COL6A3: variants seen among roughly 807,000 people sequenced by gnomAD.
The protein encoded by COL6A3 is collagen alpha-3(VI) chain.
A neutral mutation model predicts 274.1 loss-of-function variants in COL6A3; 137 were observed. The observed-to-expected ratio is 0.50, with a 90% CI of 0.44 to 0.58. COL6A3 has a LOEUF of 0.58. COL6A3 is among the 20% of genes least tolerant of loss of function. COL6A3 has a pLI of 0.00. For synonymous variants in COL6A3, 1,650 were observed against 1,650.6 expected (o/e 1.00, Z 0.01); for missense variants, 3,950 against 4,124.9 (o/e 0.96, Z 1.16).
At chr2:237,343,338 A>G (rs2106323064) in intron 36 of COL6A3, 1 of 151,458 alleles carries the variant, frequency 6.6e-6, no homozygotes, top group East Asian at 1.9e-4. Flanking sequence ...TCTACTAAAA[A>G]AAAAAAAAAG....
chr2:237,367,808 A>G (rs1329836957), intron 10 of COL6A3, among the ~76,000 whole-genome samples: 1 of 152,210 alleles, frequency 6.6e-6, no homozygotes, highest in Non-Finnish European at 1.5e-5. Flanking sequence ...AGAGCTTTGT[A>G]GGAGCTGGCT....
chr2:237,395,274 T>C (rs1392800053), intron 2 of COL6A3, 70 bp from the exon 3 acceptor site: 1 of 1,553,938 alleles, frequency 6.4e-7, no homozygotes, highest in African/African-American at 1.4e-5. Flanking sequence ...TGCAAAGCCT[T>C]CCTAAACAAA....
chr2:237,380,958 AG>A lies in COL6A3; in HGVS notation c.1853del (p.Pro618LeufsTer45). On this transcript the variant is annotated frameshift_variant, in exon 5 of 44. Transcript: ENST00000295550. LOFTEE classifies it high-confidence loss of function. ...FRAAPLQGML[P>X]GLLAPLRTLS... Reference sequence around the variant, plus strand: ...GGGTCCTGAGAGGTGCCAGCAAGCCAGGCAGCATGCCTTGCAATGGGGCGGC... The same window carrying A: ...GGGTCCTGAGAGGTGCCAGCAAGCCAGCAGCATGCCTTGCAATGGGGCGGC... 6.2e-7 allele frequency: 1 copy of A among 1,614,170 alleles called. No homozygotes were observed. The highest frequency in any genetic ancestry group is 8.5e-7 in the Non-Finnish European group (1 of 1,180,032).
chr2:237,341,543 TAAAAAAAAAA>T (rs71039760), intron 37 of COL6A3, among the ~76,000 whole-genome samples: 9 of 49,098 alleles, frequency 1.8e-4, no homozygotes, highest in African/African-American at 7.2e-4. Flanking sequence ...AGACTCTGTC[TAAAAAAAAAA>T]AAAAAAAAAA....
intron 32 of COL6A3, among the ~76,000 whole-genome samples, chr2:237,345,838 C>G (rs2106326284): frequency 6.6e-6 from 1 of 152,316 alleles, no homozygotes; most frequent in Admixed American, 6.5e-5. Context: ...ATCAGACCCA[C>G]CTGACCAGCT....
Position 237,377,046 on chromosome 2 carries a change from A to G in COL6A3, c.2796T>C (p.Ala932=), listed in dbSNP as rs1158876557. 6.8e-6 allele frequency: 11 copies of G among 1,614,116 alleles called. No homozygotes were observed. The highest frequency in any genetic ancestry group is 9.3e-6 in the Non-Finnish European group (11 of 1,180,048). The change falls in exon 7 of 44, where the codon GCT becomes GCC. Residue 932 remains alanine, a synonymous_variant. Transcript: ENST00000295550. The stretch of plus-strand genomic sequence containing the variant: ...GCACTCCATCCTCGATCCGGCTGCC[A>G]GCAGACTTCACAAAAATGTACCTCT... ...YAQRYIFVKS[A]GSRIEDGVLQ...
intron 1 of COL6A3, among the ~76,000 whole-genome samples, chr2:237,411,894 A>T (rs74001309): frequency 0.031 from 4,640 of 152,128 alleles, 202 homozygotes; most frequent in African/African-American, 0.096. Context: ...AAGGGCTAAC[A>T]TTCTAGAGGC....
At chr2:237,342,304 G>C in intron 36 of COL6A3, 143 bp from the exon 37 acceptor site, 1 of 721,534 alleles carries the variant, frequency 1.4e-6, no homozygotes. Flanking sequence ...CTTCTCATTT[G>C]GGGGTGGGGT....
rs2077180066 is a variant in COL6A3, at chr2:237,350,353, C to T, written c.6817-144G>A. 2.5e-5 allele frequency: 19 copies of T among 768,990 alleles called. No individual in the cohort carries two copies. The South Asian group carries it at 2.9e-4, about 12-fold the overall frequency. 47.6% of individuals were successfully genotyped at this position (768,990 alleles called of 1,614,324 possible). ...TTCGGTGGAATGATTTTCTAAATTG[C>T]AACATTCATGTGCAAACTCCTGGAA... is the stretch of plus-strand genomic sequence containing the variant. On this transcript the variant is annotated intron_variant, in intron 27 of 43. Transcript: ENST00000295550.
At position 237,381,449 on chromosome 2, in the gene COL6A3, C is replaced by T. The variant is rs2078004148; in HGVS notation, c.1363G>A (p.Ala455Thr). The change falls in exon 5 of 44, where the codon GCA (alanine) becomes ACA (threonine). Residue 455 changes from alanine to threonine, a missense_variant. Physicochemically the swap from Ala to Thr is moderately conservative, Grantham distance 58. Transcript: ENST00000295550. ...GCATTGAAGTTGGCCAGTCCCAGTG[C>T]AGATGAGCCATCCACCAGGAAGACT... ...DIVFLVDGSS[A>T]LGLANFNAIR... 6.2e-7 allele frequency: 1 copy of T among 1,609,404 alleles called. No homozygotes were observed. The highest frequency in any genetic ancestry group is 1.1e-5 in the South Asian group (1 of 91,094).
chr2:237,406,907 CTTTTTTT>C (rs1006109385), intron 1 of COL6A3, among the ~76,000 whole-genome samples: 1 of 123,520 alleles, frequency 8.1e-6, no homozygotes, highest in African/African-American at 3.2e-5. Context: ...TCTTTTTTCC[CTTTTTTT>C]TTTTTTTTTT....
In COL6A3 at chr2:237,365,687, G is replaced by A. The variant is rs767420186; in HGVS notation, c.5838+11C>T. Reference sequence around the variant, plus strand: ...TCCCAGGGAGCACCTGAACCAACTGGCCCCACAGACCTTCACGCTGTCCGG... The same window carrying A: ...TCCCAGGGAGCACCTGAACCAACTGACCCCACAGACCTTCACGCTGTCCGG... On this transcript the variant is annotated intron_variant, in intron 12 of 43. Coordinates refer to ENST00000295550, the MANE Select transcript of COL6A3 (RefSeq NM_004369.4). The A allele has an allele frequency of 1.2e-6, 2 of 1,613,444 alleles. No homozygotes were observed. The highest frequency in any genetic ancestry group is 3.3e-5 in the Admixed American group (2 of 60,020).
At chr2:237,359,941 A>C (rs917612728) in intron 17 of COL6A3, 147 bp downstream of exon 17, 7 of 800,196 alleles carry the variant, frequency 8.7e-6, no homozygotes, top group Non-Finnish European at 1.3e-5. Context: ...CACCCTGCTC[A>C]GAACTGCCTT....
Position 237,374,979 on chromosome 2 carries a change from C to T in COL6A3, c.3112G>A (p.Glu1038Lys), listed in dbSNP as rs946039945. The T allele has an allele frequency of 2.5e-6, 4 of 1,614,004 alleles. No homozygotes were observed. The highest frequency in any genetic ancestry group is 3.4e-6 in the Non-Finnish European group (4 of 1,180,016). Residue 1038 changes from glutamate to lysine, a missense_variant, in exon 8 of 44, where the codon GAG (glutamate) becomes AAG (lysine). By Grantham distance (56) the Glu-to-Lys change is moderately conservative (BLOSUM62 1). This residue lies in a region of COL6A3 where 1,934 missense variants were observed against 1,984.3 expected (regional missense o/e 0.97). Coordinates refer to ENST00000295550, the MANE Select transcript of COL6A3 (RefSeq NM_004369.4). This position sits in a 1 kb window ranked among gnomAD's most constrained non-coding sequence, Gnocchi z 4.8. ...KDVVFLLDGS[E>K]GVRSGFPLLK... is the part of the protein sequence containing the mutation. ...AGAGGGAAGCCGCTCCTGACGCCCTCAGAGCCATCAAGCAGAAACACCACG... is the reference window on the plus strand; with the variant it reads ...AGAGGGAAGCCGCTCCTGACGCCCTTAGAGCCATCAAGCAGAAACACCACG...
In COL6A3 at chr2:237,334,756, A is replaced by C; in HGVS notation, c.9099T>G (p.Val3033=). Residue 3033 remains valine, a synonymous_variant, in exon 41 of 44, where the codon GTT becomes GTG. Transcript: ENST00000295550. Reference sequence around the variant, plus strand: ...CCGTGACCGTGAGGTTCTGCTTCAGAACCAGGGACTGATCATGGGCTGAGG... The same window carrying C: ...CCGTGACCGTGAGGTTCTGCTTCAGCACCAGGGACTGATCATGGGCTGAGG... ...TVTSAHDQSL[V]LKQNLTVTDR... is the part of the protein sequence containing the mutation. 6.2e-7 allele frequency: 1 copy of C among 1,614,144 alleles called. No individual in the cohort carries two copies. The highest frequency in any genetic ancestry group is 8.5e-7 in the Non-Finnish European group (1 of 1,180,020).
chr2:237,340,817 TC>T lies in COL6A3; in HGVS notation c.8098del (p.Asp2700ThrfsTer7), dbSNP rs751453783. The part of the protein sequence containing the change: ...TDYGSKEKLV[D>X]FLSRGMTQLQ... ...CTGTGTCATTCCCCTGCTGAGGAAG[TC>T]CACCAGCTTCTCCTTGGAGCCATAG... On this transcript the variant is annotated frameshift_variant, in exon 38 of 44. Transcript: ENST00000295550. LOFTEE classifies it high-confidence loss of function. The T allele has an allele frequency of 6.2e-7, 1 of 1,614,178 alleles. No homozygotes were observed. Among genetic ancestry groups the T allele is most frequent in the Non-Finnish European group, 8.5e-7 (1 of 1,180,024 alleles).
chr2:237,350,962 T>C (rs2077194011), intron 27 of COL6A3, among the ~76,000 whole-genome samples, 168 bp downstream of exon 27: 1 of 152,004 alleles, frequency 6.6e-6, no homozygotes, highest in African/African-American at 2.4e-5. Context: ...GTGGGGATTG[T>C]TGGGGGACAA....
intron 18 of COL6A3, 44 bp downstream of exon 18, chr2:237,359,318 C>T (rs745307347): frequency 1.9e-6 from 3 of 1,614,108 alleles, no homozygotes; most frequent in Non-Finnish European, 2.5e-6. Flanking sequence ...ATGAGAAATA[C>T]TGGGAGAGTT....
chr2:237,333,135 T>C (rs967481907), intron 42 of COL6A3: 1 of 427,350 alleles, frequency 2.3e-6, no homozygotes, highest in African/African-American at 2.0e-5. Context: ...CTTCACAGCA[T>C]CACAGACCAC....
Sources: gnomAD v4.1 joint callset for allele counts (sites outside exome capture counted in the v4.1 genomes callset) on GRCh38, gnomAD v4.1.1 for gene constraint, gnomAD v4.1.1 regional missense constraint, Gnocchi (gnomAD v3.1) non-coding constraint, MANE v1.5 for transcripts, NCBI Gene and HGNC (gene_info 2026-07-23, HGNC 2026-07-21) for gene names.